The following R3HDML variants were observed in gnomAD, a reference collection of about 807,000 sequenced individuals.
R3HDML encodes the protein R3H domain containing like, also known as peptidase inhibitor R3HDML.
In R3HDML, 21 loss-of-function variants were observed where a neutral mutation model predicts 24.2. The observed-to-expected ratio is 0.87, with a 90% CI of 0.62 to 1.25. The LOEUF is 1.25. Ranked by LOEUF, R3HDML falls within the 50% of genes most tolerant of loss-of-function variation. The probability of loss-of-function intolerance (pLI) is 0.00; values close to 1 mark genes in which losing one functional copy is unlikely to be tolerated. For missense variants in R3HDML, 301 were observed against 340.3 expected (o/e 0.88, Z 0.91); for synonymous variants, 133 against 131.5 (o/e 1.01, Z -0.08).
rs147513716 is a variant in R3HDML at position 44,337,366 on chromosome 20, A to T, written c.209A>T (p.His70Leu). ...VRDMNALLDYHNHIRASVYPP... is the reference protein window; with the variant it reads ...VRDMNALLDYLNHIRASVYPP... ...GACATGAATGCCTTACTGGATTATC[A>T]CAACCACATCCGGGCCAGTGTGTAC... The change falls in exon 1 of 5, where the codon CAC becomes CTC. Residue 70 changes from histidine to leucine, a missense_variant. His to Leu is a moderately conservative substitution (Grantham distance 99, BLOSUM62 -3). Coordinates refer to ENST00000217043, the MANE Select transcript of R3HDML (RefSeq NM_178491.4). This position sits in a 1 kb window ranked among gnomAD's most constrained non-coding sequence, Gnocchi z 4.7. 21 of 1,614,032 alleles carry T rather than the reference A, an allele frequency of 1.3e-5. No individual in the cohort carries two copies. In the African/African-American group the frequency reaches 2.3e-4, roughly 17 times the overall value.
chr20:44,347,146 A>G (rs1449829925), intron 4 of R3HDML, among the ~76,000 whole-genome samples: 1 of 152,184 alleles, frequency 6.6e-6, no homozygotes, highest in Non-Finnish European at 1.5e-5. Context: ...CGTCTCAAAC[A>G]ACAACAACAA....
At chr20:44,338,279 A>T (rs2062763060) in intron 1 of R3HDML, among the ~76,000 whole-genome samples, 1 of 152,186 alleles carries the variant, frequency 6.6e-6, no homozygotes, top group Admixed American at 6.5e-5. Flanking sequence ...CCATTGACTT[A>T]TACTTGGAGT....
At position 44,345,492 on chromosome 20, in the gene R3HDML, A is replaced by G. The variant is rs1341885222; in HGVS notation, c.629+114A>G. 28 of 728,916 alleles carry G rather than the reference A, an allele frequency of 3.8e-5. No homozygotes were observed. In the Admixed American group the frequency reaches 7.3e-4, roughly 19 times the overall value. The allele number at this position is 728,916 out of a possible 1,614,324, so 45.2% of individuals were successfully genotyped here. A position where few individuals can be genotyped will look rare whatever the true frequency, so the allele number is the denominator to read the frequency against. The stretch of plus-strand genomic sequence containing the variant: ...TCATTCTAAGTGCCCTCAATACCAT[A>G]TAATTTGGGTAGTTTTAAGAGTTTA... On this transcript the variant is annotated intron_variant, in intron 4 of 4. Coordinates refer to ENST00000217043, the MANE Select transcript of R3HDML (RefSeq NM_178491.4).
At chr20:44,344,388 G>A (rs955951693) in intron 3 of R3HDML, among the ~76,000 whole-genome samples, 12 of 152,124 alleles carry the variant, frequency 7.9e-5, no homozygotes, top group Non-Finnish European at 1.6e-4. Flanking sequence ...GTTGTGGTGA[G>A]CTATGATCCC....
intron 4 of R3HDML, among the ~76,000 whole-genome samples, chr20:44,349,146 TAAATAAAATAAAATAAAATA>T (rs202024132): frequency 4.8e-5 from 7 of 145,868 alleles, no homozygotes; most frequent in South Asian, 2.2e-4. Flanking sequence ...TAAAATAAAA[TAAATAAAATAAAATAAAATA>T]AAATAAAATA....
intron 1 of R3HDML, among the ~76,000 whole-genome samples, chr20:44,339,122 T>C (rs1158860034): frequency 1.3e-5 from 2 of 148,358 alleles, no homozygotes; most frequent in Admixed American, 1.3e-4. Flanking sequence ...CCTGGACCCC[T>C]CTTTGGATGC....
intron 3 of R3HDML, among the ~76,000 whole-genome samples, chr20:44,343,815 C>A (rs76795006): frequency 6.6e-6 from 1 of 151,678 alleles, no homozygotes; most frequent in African/African-American, 2.4e-5. Flanking sequence ...CTGTCCCCCC[C>A]GCAAAAAATT....
In R3HDML at chr20:44,341,243, G is replaced by A; in HGVS notation, c.309G>A (p.Gln103=). 1 of 1,614,160 alleles carries A rather than the reference G, an allele frequency of 6.2e-7. No individual in the cohort carries two copies. Among genetic ancestry groups the A allele is most frequent in the Non-Finnish European group, 8.5e-7 (1 of 1,179,970 alleles). The change falls in exon 2 of 5, where the codon CAG becomes CAA. Residue 103 remains glutamine, a synonymous_variant. Coordinates refer to ENST00000217043, the MANE Select transcript of R3HDML (RefSeq NM_178491.4). ...LARAAEAWAT[Q]CIWAHGPSQL... Reference sequence around the variant, plus strand: ...GGGCTGCCGAAGCCTGGGCCACCCAGTGCATCTGGGCACATGGGCCTTCAC... The same window carrying A: ...GGGCTGCCGAAGCCTGGGCCACCCAATGCATCTGGGCACATGGGCCTTCAC...
intron 4 of R3HDML, among the ~76,000 whole-genome samples, chr20:44,346,557 T>C (rs756621196): frequency 1.3e-5 from 2 of 152,212 alleles, no homozygotes; most frequent in Non-Finnish European, 2.9e-5. Flanking sequence ...GGCTTACAAA[T>C]ATCTCACTAC....
rs191590721 is a variant in R3HDML, at chr20:44,342,416, G to A, written c.381-961G>A. 4.6e-5 allele frequency among the ~76,000 whole-genome samples: 7 copies of A among 152,096 alleles called. No homozygotes were observed. The East Asian group carries it at 5.8e-4, about 13-fold the overall frequency. ...CTCAGAGCCCTACAGAGCAGACATC[G>A]GGTGATTCAGTCCTGCCTCCATTTC... On this transcript the variant is annotated intron_variant, in intron 2 of 4. Transcript: ENST00000217043.
intron 4 of R3HDML, among the ~76,000 whole-genome samples, chr20:44,346,458 T>C (rs1014530069): frequency 2.0e-5 from 3 of 152,132 alleles, no homozygotes; most frequent in African/African-American, 7.2e-5. Flanking sequence ...CACTGGGAAA[T>C]AGACAGGATT....
At chr20:44,340,218 G>C (rs927405572) in intron 1 of R3HDML, among the ~76,000 whole-genome samples, 1 of 151,706 alleles carries the variant, frequency 6.6e-6, no homozygotes, top group Non-Finnish European at 1.5e-5. Context: ...GCCTCCCAAA[G>C]TGCTGGGATT....
rs1015602188 is a variant in R3HDML at position 44,337,690 on chromosome 20, C to A, written c.261+272C>A. ...GCACCACTGTGCGCCAGGCACTGCACGTGAGTATCATCTCCATTTTCCAGA... is the reference window on the plus strand; with the variant it reads ...GCACCACTGTGCGCCAGGCACTGCAAGTGAGTATCATCTCCATTTTCCAGA... On this transcript the variant is annotated intron_variant, in intron 1 of 4. Transcript: ENST00000217043. The surrounding 1 kb of genome is among the most constrained non-coding windows in gnomAD (Gnocchi z 4.7). 6.6e-6 allele frequency among the ~76,000 whole-genome samples: 1 copy of A among 152,150 alleles called. No individual in the cohort carries two copies. The highest frequency in any genetic ancestry group is 2.1e-4 in the South Asian group (1 of 4,820).
intron 2 of R3HDML, among the ~76,000 whole-genome samples, chr20:44,342,820 G>A (rs2062775662): frequency 6.6e-6 from 1 of 152,134 alleles, no homozygotes; most frequent in African/African-American, 2.4e-5. Flanking sequence ...GGCGTATGCA[G>A]GTGCATACCT....
Position 44,350,677 on chromosome 20 carries a change from A to G in R3HDML, c.647A>G (p.Glu216Gly), listed in dbSNP as rs1392959099. The G allele has an allele frequency of 3.7e-6, 6 of 1,613,518 alleles. No homozygotes were observed. Among genetic ancestry groups the G allele is most frequent in the Non-Finnish European group, 5.1e-6 (6 of 1,179,874 alleles). Residue 216 changes from glutamate (E) to glycine (G), a missense_variant, in exon 5 of 5, where the codon GAG (glutamate) becomes GGG (glycine). Glu to Gly is a moderately conservative substitution (Grantham distance 98). Transcript: ENST00000217043. ...TCTTCCAGGGGCAACTGGATTGGCG[A>G]GTCCCCGTACAAGATGGGAAAGCCG... ...NYAIKGNWIG[E>G]SPYKMGKPCS...
intron 1 of R3HDML, among the ~76,000 whole-genome samples, chr20:44,340,976 C>T (rs1422967960): frequency 1.3e-5 from 2 of 152,216 alleles, no homozygotes; most frequent in African/African-American, 4.8e-5. Context: ...AGCTCAGAGT[C>T]AAGAGATCTG....
intron 4 of R3HDML, among the ~76,000 whole-genome samples, chr20:44,348,417 T>C (rs1257720946): frequency 1.3e-5 from 2 of 151,602 alleles, no homozygotes; most frequent in Admixed American, 1.3e-4. Flanking sequence ...TTCCCCTTCC[T>C]TTCTTTCCTT....
chr20:44,339,579 A>ATGTGTGTGTGTGTGTGTGTG (rs140076477), intron 1 of R3HDML, among the ~76,000 whole-genome samples: 1 of 147,914 alleles, frequency 6.8e-6, no homozygotes, highest in African/African-American at 2.5e-5. Context: ...GCCTATATAT[A>ATGTGTGTGTGTGTGTGTGTG]TGTGTGTGTG....
intron 1 of R3HDML, among the ~76,000 whole-genome samples, chr20:44,340,532 G>A (rs970467713): frequency 6.6e-6 from 1 of 152,228 alleles, no homozygotes; most frequent in African/African-American, 2.4e-5. Flanking sequence ...CTCCCGAAGT[G>A]CCCTGTAATC....
Sources: allele counts gnomAD v4.1 joint callset (sites outside exome capture counted in the v4.1 genomes callset), GRCh38; gene constraint gnomAD v4.1.1; non-coding constraint Gnocchi (gnomAD v3.1); transcripts MANE v1.5; gene names NCBI Gene and HGNC (gene_info 2026-07-23, HGNC 2026-07-21).